MAGI2: variants seen among roughly 807,000 people sequenced by gnomAD.
MAGI2 encodes membrane associated guanylate kinase, WW and PDZ domain containing 2.
A neutral mutation model predicts 133.3 loss-of-function variants in MAGI2; 35 were observed. The observed-to-expected ratio is 0.26, with a 90% CI of 0.20 to 0.35. MAGI2 has a LOEUF of 0.35. Among genes scored for constraint, MAGI2 ranks in the 10% least tolerant of loss-of-function variants. The probability of loss-of-function intolerance (pLI) is 1.00; values close to 1 mark genes in which losing one functional copy is unlikely to be tolerated. For missense variants in MAGI2, 1,636 were observed against 1,863.4 expected, an observed-to-expected ratio of 0.88 and a Z score of 2.25; for synonymous variants, 729 against 710.6, an observed-to-expected ratio of 1.03 and a Z score of -0.41.
intron 1 of MAGI2, among the ~76,000 whole-genome samples, chr7:79,417,178 T>G (rs1054047921): frequency 6.6e-6 from 1 of 152,184 alleles, no homozygotes; most frequent in Admixed American, 6.6e-5. Context: ...CAGCTTCCCT[T>G]GAAGATCACT....
At chr7:79,336,199 G>T (rs1304129943) in intron 1 of MAGI2, among the ~76,000 whole-genome samples, 1 of 152,000 alleles carries the variant, frequency 6.6e-6, no homozygotes, top group Admixed American at 6.6e-5. Context: ...TTATCATGAA[G>T]CTACTATTCT....
intron 10 of MAGI2, among the ~76,000 whole-genome samples, chr7:78,245,138 T>C (rs926298198): frequency 6.6e-6 from 1 of 152,010 alleles, no homozygotes; most frequent in South Asian, 2.1e-4. Flanking sequence ...TACAACACCA[T>C]GAAATGAACT....
intron 14 of MAGI2, among the ~76,000 whole-genome samples, chr7:78,176,947 A>ACC (rs1826694041): frequency 6.6e-6 from 1 of 150,598 alleles, no homozygotes; most frequent in African/African-American, 2.4e-5. Flanking sequence ...ACACACACAC[A>ACC]CACATATATA....
chr7:78,355,766 A>G (rs1240680911), intron 7 of MAGI2, among the ~76,000 whole-genome samples: 1 of 152,208 alleles, frequency 6.6e-6, no homozygotes, highest in African/African-American at 2.4e-5. Context: ...ATTTCTTTTT[A>G]TCAGTTTTCA....
chr7:78,731,480 A>G (rs1821364103), intron 2 of MAGI2, among the ~76,000 whole-genome samples: 1 of 152,162 alleles, frequency 6.6e-6, no homozygotes, highest in Admixed American at 6.5e-5. Flanking sequence ...ATATTTGCAC[A>G]AAATTGACCT....
At chr7:78,661,019 T>A (rs1327350670) in intron 2 of MAGI2, among the ~76,000 whole-genome samples, 1 of 152,172 alleles carries the variant, frequency 6.6e-6, no homozygotes, top group East Asian at 1.9e-4. Flanking sequence ...TCCACTCCCG[T>A]CGTTCTATTA....
At chr7:78,389,596 C>T (rs970747146) in intron 6 of MAGI2, among the ~76,000 whole-genome samples, 7 of 152,254 alleles carry the variant, frequency 4.6e-5, no homozygotes, top group South Asian at 4.1e-4. Flanking sequence ...GGGTAGCACA[C>T]GGAATTTTGG....
chr7:78,959,814 G>T (rs989355319), intron 2 of MAGI2, among the ~76,000 whole-genome samples: 4 of 152,106 alleles, frequency 2.6e-5, no homozygotes, highest in Non-Finnish European at 5.9e-5. Context: ...AGTTAATCAT[G>T]TATCATGGGC....
rs189342544 is a variant in MAGI2, at chr7:78,431,881, C to A, written c.1045+57880G>T. ...AAGTTGAAATCCATAAGAAAATTACCAAAGATTCCATGAAATAGAGTTTTG... is the reference window on the plus strand; with the variant it reads ...AAGTTGAAATCCATAAGAAAATTACAAAAGATTCCATGAAATAGAGTTTTG... On this transcript the variant is annotated intron_variant, in intron 6 of 21. Transcript: ENST00000354212. 7.2e-4 allele frequency among the ~76,000 whole-genome samples: 109 copies of A among 151,722 alleles called. No homozygotes were observed. The East Asian group carries it at 0.012, about 16-fold the overall frequency.
intron 2 of MAGI2, among the ~76,000 whole-genome samples, chr7:78,969,442 C>T (rs1270208399): frequency 6.6e-6 from 1 of 152,022 alleles, no homozygotes; most frequent in African/African-American, 2.4e-5. Flanking sequence ...TAACCCACTC[C>T]AAGTGTGTGT....
chr7:78,173,313 T>A (rs1479403211), intron 14 of MAGI2, among the ~76,000 whole-genome samples: 3 of 152,358 alleles, frequency 2.0e-5, no homozygotes, highest in East Asian at 1.9e-4. Flanking sequence ...ACAATTCTAT[T>A]GCTTCTGCAC....
chr7:79,080,520 G>C (rs1418643673), intron 1 of MAGI2, among the ~76,000 whole-genome samples: 3 of 152,056 alleles, frequency 2.0e-5, no homozygotes. Flanking sequence ...GTGTTTAAAG[G>C]CTTTCTTTTG....
At chr7:79,358,918 G>A (rs1388774280) in intron 1 of MAGI2, among the ~76,000 whole-genome samples, 1 of 152,146 alleles carries the variant, frequency 6.6e-6, no homozygotes, top group Non-Finnish European at 1.5e-5. Context: ...AGGATCCAGA[G>A]TTTGCTAACC....
chr7:78,320,852 A>C (rs1196127605), intron 9 of MAGI2, among the ~76,000 whole-genome samples: 4 of 152,190 alleles, frequency 2.6e-5, no homozygotes, highest in Non-Finnish European at 5.9e-5. Flanking sequence ...TGCAGATGAC[A>C]TGATGGTATA....
At chr7:79,287,590 T>C (rs753673362) in intron 1 of MAGI2, among the ~76,000 whole-genome samples, 2 of 152,128 alleles carry the variant, frequency 1.3e-5, no homozygotes, top group Non-Finnish European at 2.9e-5. Context: ...CTGTGTGTAC[T>C]TGGCCATGAT....
At chr7:78,100,656 G>A (rs1241314880) in intron 20 of MAGI2, among the ~76,000 whole-genome samples, 1 of 152,136 alleles carries the variant, frequency 6.6e-6, no homozygotes, top group African/African-American at 2.4e-5. Context: ...CCAGCCAAGG[G>A]CCACCTCTTT....
intron 1 of MAGI2, among the ~76,000 whole-genome samples, chr7:79,398,584 A>T (rs1845222823): frequency 6.6e-6 from 1 of 152,200 alleles, no homozygotes; most frequent in Admixed American, 6.5e-5. Context: ...TGATGAATTC[A>T]TTTGGACAGG....
chr7:79,229,160 A>G (rs532772657), intron 1 of MAGI2, among the ~76,000 whole-genome samples: 3 of 151,798 alleles, frequency 2.0e-5, no homozygotes, highest in Admixed American at 6.6e-5. Flanking sequence ...AAACAACAAC[A>G]TAAGACAGAA....
intron 1 of MAGI2, among the ~76,000 whole-genome samples, chr7:79,136,188 G>A (rs1436227152): frequency 6.6e-6 from 1 of 152,080 alleles, no homozygotes. Flanking sequence ...AGAGGGAGAT[G>A]AAAATAGTAA....
Sources: allele counts gnomAD v4.1 joint callset (sites outside exome capture counted in the v4.1 genomes callset), GRCh38; gene constraint gnomAD v4.1.1; transcripts MANE v1.5; gene names NCBI Gene and HGNC (gene_info 2026-07-23, HGNC 2026-07-21).